The following NAV3 variants were observed in gnomAD, a reference collection of about 807,000 sequenced individuals.
NAV3 encodes the protein neuron navigator 3.
NAV3 carries 87 observed loss-of-function variants against 244.7 expected under a neutral mutation model. That is an observed-to-expected ratio of 0.36 (90% CI 0.30 to 0.42). NAV3 has a LOEUF of 0.42. Among genes scored for constraint, NAV3 ranks in the 20% least tolerant of loss-of-function variants. NAV3 has a pLI of 1.00. For synonymous variants in NAV3, 1,126 were observed against 1,042.2 expected, an observed-to-expected ratio of 1.08 and a Z score of -1.55; for missense variants, 2,663 against 2,893.3, an observed-to-expected ratio of 0.92 and a Z score of 1.83.
At chr12:77,760,721 G>A (rs1302725464) in intron 2 of NAV3, among the ~76,000 whole-genome samples, 1 of 152,054 alleles carries the variant, frequency 6.6e-6, no homozygotes, top group Non-Finnish European at 1.5e-5. Context: ...TGTCTGTTTG[G>A]AACAACACAC....
chr12:77,658,771 A>G (rs1873265254), intron 2 of NAV3, among the ~76,000 whole-genome samples: 3 of 151,926 alleles, frequency 2.0e-5, no homozygotes, highest in Admixed American at 2.0e-4. Context: ...ATATAGATCA[A>G]TGGAACAGAA....
intron 12 of NAV3, among the ~76,000 whole-genome samples, chr12:78,116,101 G>T (rs1167318764): frequency 6.6e-6 from 1 of 152,172 alleles, no homozygotes. Flanking sequence ...TTATGACATG[G>T]CCAGATGTGA....
At chr12:77,666,598 C>G (rs949122438) in intron 2 of NAV3, among the ~76,000 whole-genome samples, 1 of 152,094 alleles carries the variant, frequency 6.6e-6, no homozygotes, top group African/African-American at 2.4e-5. Context: ...CTAAGTAAGT[C>G]TAAATATTCT....
intron 9 of NAV3, among the ~76,000 whole-genome samples, chr12:78,032,802 C>T (rs967086794): frequency 4.6e-5 from 7 of 152,176 alleles, no homozygotes; most frequent in African/African-American, 1.7e-4. Flanking sequence ...GAGGCCATCC[C>T]TTTCATCATC....
chr12:78,186,240 A>G (rs1041991502), intron 31 of NAV3, among the ~76,000 whole-genome samples: 3 of 151,932 alleles, frequency 2.0e-5, no homozygotes, highest in Non-Finnish European at 4.4e-5. Flanking sequence ...TCAAATTGGC[A>G]ATGCCATTCT....
At chr12:77,889,807 AG>A (rs1227729429) in intron 1 of NAV3, among the ~76,000 whole-genome samples, 1 of 152,204 alleles carries the variant, frequency 6.6e-6, no homozygotes, top group African/African-American at 2.4e-5. Context: ...GTTGAAGACT[AG>A]CATATTTTAG....
intron 4 of NAV3, among the ~76,000 whole-genome samples, chr12:77,968,281 T>C (rs1892687603): frequency 6.6e-6 from 1 of 152,248 alleles, no homozygotes; most frequent in Non-Finnish European, 1.5e-5. Context: ...ATATCACTTC[T>C]GAGTGTGCTT....
chr12:77,874,111 C>G (rs1463137900), intron 1 of NAV3, among the ~76,000 whole-genome samples: 1 of 152,014 alleles, frequency 6.6e-6, no homozygotes, highest in Non-Finnish European at 1.5e-5. Context: ...CCCACCCACC[C>G]TAGTCTGTGA....
At chr12:78,200,658 GC>G in intron 38 of NAV3, 67 bp downstream of exon 38, 1 of 926,170 alleles carries the variant, frequency 1.1e-6, no homozygotes. Flanking sequence ...TACTTTAAAA[GC>G]AAAAAAAAAT....
chr12:77,861,902 A>G (rs1437105512), intron 1 of NAV3, among the ~76,000 whole-genome samples: 1 of 151,894 alleles, frequency 6.6e-6, no homozygotes, highest in African/African-American at 2.4e-5. Context: ...ATCAATGTGA[A>G]TACATATTAG....
chr12:77,846,314 G>T (rs1876623861), intron 1 of NAV3, among the ~76,000 whole-genome samples: 1 of 152,182 alleles, frequency 6.6e-6, no homozygotes, highest in Non-Finnish European at 1.5e-5. Context: ...TTTTGTGTTT[G>T]CATAATGAAT....
intron 2 of NAV3, among the ~76,000 whole-genome samples, chr12:77,600,986 G>A (rs1206992031): frequency 6.6e-6 from 1 of 151,952 alleles, no homozygotes; most frequent in Non-Finnish European, 1.5e-5. Context: ...CAAATTATCA[G>A]CTATCTCTAC....
intron 2 of NAV3, among the ~76,000 whole-genome samples, chr12:77,715,932 C>T (rs1592611390): frequency 6.6e-6 from 1 of 151,950 alleles, no homozygotes; most frequent in Non-Finnish European, 1.5e-5. Context: ...CTGCTTCATA[C>T]CTAGAACAAA....
intron 2 of NAV3, among the ~76,000 whole-genome samples, chr12:77,659,300 G>A: frequency 6.6e-6 from 1 of 151,292 alleles, no homozygotes; most frequent in Admixed American, 6.6e-5. Flanking sequence ...GTGGGTGAAG[G>A]ACATGAACAG....
At position 77,903,648 on chromosome 12, in the gene NAV3, C is replaced by A. The variant is rs548949606; in HGVS notation, c.244-36671C>A. Among the ~76,000 whole-genome samples the A allele has an allele frequency of 1.8e-3, 275 of 152,074 alleles. 3 individuals are homozygous for A. Among genetic ancestry groups the A allele is most frequent in the African/African-American group, 6.4e-3 (265 of 41,502 alleles). On this transcript the variant is annotated intron_variant, in intron 1 of 39. Coordinates refer to ENST00000397909, the MANE Select transcript of NAV3 (RefSeq NM_001024383.2). ...CAAAAGCCAAAATTGACAAATGGGA[C>A]CTAATTAAACTAAAGAGCTTCTGCA...
chr12:77,645,770 T>G (rs1039481312), intron 2 of NAV3, among the ~76,000 whole-genome samples: 1 of 152,088 alleles, frequency 6.6e-6, no homozygotes, highest in Non-Finnish European at 1.5e-5. Flanking sequence ...GGAAGCTCCA[T>G]AGGTGTTATA....
At chr12:78,011,333 T>TA (rs990443354) in intron 8 of NAV3, among the ~76,000 whole-genome samples, 3 of 152,122 alleles carry the variant, frequency 2.0e-5, no homozygotes, top group Non-Finnish European at 4.4e-5. Flanking sequence ...AAAGATTTTT[T>TA]AAAAAAATCT....
intron 37 of NAV3, 84 bp downstream of exon 37, chr12:78,199,615 C>A: frequency 9.9e-7 from 1 of 1,010,710 alleles, no homozygotes. Flanking sequence ...TAGAAAATAA[C>A]AAGCAAAGCT....
chr12:77,686,092 T>C (rs1038880049), intron 2 of NAV3, among the ~76,000 whole-genome samples: 2 of 152,190 alleles, frequency 1.3e-5, no homozygotes, highest in Admixed American at 6.6e-5. Context: ...TGTCCTGATA[T>C]ATTCAGAGCC....
Sources: allele counts gnomAD v4.1 joint callset (sites outside exome capture counted in the v4.1 genomes callset), GRCh38; gene constraint gnomAD v4.1.1; transcripts MANE v1.5; gene names NCBI Gene and HGNC (gene_info 2026-07-23, HGNC 2026-07-21).